KRT77: variants seen among roughly 807,000 people sequenced by gnomAD.
KRT77 encodes keratin, type II cytoskeletal 1b.
A neutral mutation model predicts 51.5 loss-of-function variants in KRT77; 44 were observed. That is an observed-to-expected ratio of 0.85 (90% CI 0.67 to 1.10). The LOEUF (loss-of-function observed/expected upper bound fraction) is 1.10. KRT77 is among the 50% of genes least tolerant of loss of function. The pLI, the probability that KRT77 is intolerant of heterozygous loss-of-function variation, is 0.00. For missense variants in KRT77, 763 were observed against 743.9 expected (o/e 1.03, Z -0.30); for synonymous variants, 293 against 302.0 (o/e 0.97, Z 0.31).
chr12:52,693,943 A>G (rs1423536668), intron 5 of KRT77, among the ~76,000 whole-genome samples: 1 of 152,098 alleles, frequency 6.6e-6, no homozygotes, highest in East Asian at 1.9e-4. Flanking sequence ...AGGCTGAGGC[A>G]GGAGAATCAC....
Position 52,691,120 on chromosome 12 carries a change from G to A in KRT77, c.*45C>T. 1 of 1,613,174 alleles carries A rather than the reference G, an allele frequency of 6.2e-7. No individual in the cohort carries two copies. The highest frequency in any genetic ancestry group is 1.1e-5 in the South Asian group (1 of 90,998). ...GGCGTGGAGGGGAGGAGTTTGAGGA[G>A]AGGGCGGTGAGGGGCAGGCGTGATG... is the stretch of plus-strand genomic sequence containing the variant. On this transcript the variant is annotated 3_prime_UTR_variant, in exon 9 of 9. Coordinates refer to ENST00000341809, the MANE Select transcript of KRT77 (RefSeq NM_175078.3).
In KRT77 at chr12:52,695,767, C is replaced by T; in HGVS notation, c.915+5G>A. 2 of 1,602,672 alleles carry T rather than the reference C, an allele frequency of 1.2e-6. No individual in the cohort carries two copies. The highest frequency in any genetic ancestry group is 1.1e-5 in the South Asian group (1 of 90,786). ...AAAGGAGGTTCTTATAAAGGCTTAA[C>T]TCACCGTCAAAAATAAATATTTCAA... On this transcript the variant is annotated splice_donor_5th_base_variant and intron_variant, in intron 4 of 8. Coordinates refer to ENST00000341809, the MANE Select transcript of KRT77 (RefSeq NM_175078.3).
chr12:52,703,198 G>T lies in KRT77; in HGVS notation c.237C>A (p.Thr79=). 1.2e-6 allele frequency: 2 copies of T among 1,605,964 alleles called. No individual in the cohort carries two copies. Among genetic ancestry groups the T allele is most frequent in the African/African-American group, 2.8e-5 (2 of 71,376 alleles). Residue 79 remains threonine, a synonymous_variant, in exon 1 of 9, where the codon ACC becomes ACA. Coordinates refer to ENST00000341809, the MANE Select transcript of KRT77 (RefSeq NM_175078.3). ...SISINLMGRS[T]SGFCQGGGVG... ...CTCCCCCACCCTGGCAGAAACCACT[G>T]GTGCTCCTCCCCATTAGATTAATGG...
chr12:52,692,464 C>G lies in KRT77; in HGVS notation c.1384G>C (p.Glu462Gln), dbSNP rs780169885. The G allele has an allele frequency of 1.2e-6, 2 of 1,613,842 alleles. No homozygotes were observed. The highest frequency in any genetic ancestry group is 3.3e-5 in the Admixed American group (2 of 59,986). The change falls in exon 7 of 9, where the codon GAG becomes CAG. Residue 462 changes from glutamate to glutamine, a missense_variant. Coordinates refer to ENST00000341809, the MANE Select transcript of KRT77 (RefSeq NM_175078.3). The stretch of plus-strand genomic sequence containing the variant: ...AGCAGCTGGCGGTAGGTGGCGATCT[C>G]CACATCCAGGGACAGCTTGACCCCC... ...MLGVKLSLDV[E>Q]IATYRQLLEG...
Position 52,692,405 on chromosome 12 carries a change from CA to C in KRT77, c.1427+15del, listed in dbSNP as rs1941724318. 1 of 1,613,392 alleles carries C rather than the reference CA, an allele frequency of 6.2e-7. No homozygotes were observed. Among genetic ancestry groups the C allele is most frequent in the Non-Finnish European group, 8.5e-7 (1 of 1,179,770 alleles). ...ATCTCAAGCCTTAGCCCCAGAAACA[CA>C]GCTGCCAGACCCACCTGCTCTCCTC... On this transcript the variant is annotated intron_variant, in intron 7 of 8. Transcript: ENST00000341809.
chr12:52,702,752 T>G, intron 1 of KRT77, 140 bp downstream of exon 1: 1 of 838,474 alleles, frequency 1.2e-6, no homozygotes, highest in Non-Finnish European at 1.9e-6. Flanking sequence ...GAAGACAAAT[T>G]GAAGCCCAAA....
rs1481512460 is a variant in KRT77 at position 52,691,204 on chromosome 12, C to A, written c.1698G>T (p.Gln566His). The A allele has an allele frequency of 2.5e-6, 4 of 1,614,020 alleles. No homozygotes were observed. The African/African-American group carries it at 5.3e-5, about 22-fold the overall frequency. Reference sequence around the variant, plus strand: ...GCCTGTGGGAGGTGTTGGTGGAGGTCTGGATGATCTGCACGCGCGAGGATC... The same window carrying A: ...GCCTGTGGGAGGTGTTGGTGGAGGTATGGATGATCTGCACGCGCGAGGATC... ...GRGSSRVQII[Q>H]TSTNTSHRRI... is the part of the protein sequence containing the mutation. The change falls in exon 9 of 9, where the codon CAG becomes CAT. Residue 566 changes from glutamine (Q) to histidine (H), a missense_variant. Transcript: ENST00000341809.
At chr12:52,701,456 A>C (rs912232590) in intron 1 of KRT77, among the ~76,000 whole-genome samples, 2 of 152,152 alleles carry the variant, frequency 1.3e-5, no homozygotes, top group African/African-American at 4.8e-5. Flanking sequence ...GCCACCCAGT[A>C]TGGCCTCTAG....
chr12:52,698,571 G>A (rs747498492), intron 1 of KRT77, among the ~76,000 whole-genome samples: 5 of 152,324 alleles, frequency 3.3e-5, no homozygotes, highest in South Asian at 2.1e-4. Flanking sequence ...GCTATTTCCC[G>A]GGAAATGGAG....
chr12:52,694,646 C>G lies in KRT77; in HGVS notation c.1060G>C (p.Glu354Gln), dbSNP rs145209085. ...LIAQRSKDEA[E>Q]ALYQTKYQEL... ...CCCACCTTGGTCTGGTACAGGGCTT[C>G]GGCCTCGTCCTTGCTCCTCTGTGCA... Residue 354 changes from glutamate to glutamine, a missense_variant, in exon 5 of 9, where the codon GAA becomes CAA. Transcript: ENST00000341809. 1 of 1,608,524 alleles carries G rather than the reference C, an allele frequency of 6.2e-7. No homozygotes were observed.
At chr12:52,702,336 G>C (rs978880778) in intron 1 of KRT77, among the ~76,000 whole-genome samples, 3 of 152,200 alleles carry the variant, frequency 2.0e-5, no homozygotes, top group Non-Finnish European at 4.4e-5. Context: ...TTGTGGGCTA[G>C]ATGGGTGGAT....
At chr12:52,702,751 T>C (rs971955709) in intron 1 of KRT77, 141 bp downstream of exon 1, 6 of 833,650 alleles carry the variant, frequency 7.2e-6, no homozygotes, top group Non-Finnish European at 7.6e-6. Flanking sequence ...AGAAGACAAA[T>C]TGAAGCCCAA....
chr12:52,692,470 C>T lies in KRT77; in HGVS notation c.1378G>A (p.Asp460Asn), dbSNP rs1941726286. ...TGGCGGTAGGTGGCGATCTCCACAT[C>T]CAGGGACAGCTTGACCCCCAGCATG... ...QAMLGVKLSL[D>N]VEIATYRQLL... The change falls in exon 7 of 9, where the codon GAT becomes AAT. Residue 460 changes from aspartate (D) to asparagine (N), a missense_variant. Asp to Asn is a conservative substitution (Grantham distance 23, BLOSUM62 1). Transcript: ENST00000341809. 6.2e-7 allele frequency: 1 copy of T among 1,614,096 alleles called. No homozygotes were observed. Among genetic ancestry groups the T allele is most frequent in the East Asian group, 2.2e-5 (1 of 44,850 alleles).
chr12:52,702,238 C>T (rs1941894450), intron 1 of KRT77, among the ~76,000 whole-genome samples: 1 of 152,210 alleles, frequency 6.6e-6, no homozygotes, highest in Admixed American at 6.5e-5. Flanking sequence ...CCCCTTTAGA[C>T]GTGGGCTCCT....
At chr12:52,695,591 T>TGG (rs1941783113) in intron 4 of KRT77, among the ~76,000 whole-genome samples, 181 bp downstream of exon 4, 1 of 152,110 alleles carries the variant, frequency 6.6e-6, no homozygotes, top group African/African-American at 2.4e-5. Context: ...TACCCCGACC[T>TGG]GGGGATTCTG....
At position 52,695,813 on chromosome 12, in the gene KRT77, G is replaced by A. The variant is rs139809869; in HGVS notation, c.874C>T (p.Leu292=). The change falls in exon 4 of 9, where the codon CTG becomes TTG. Residue 292 remains leucine (L), a synonymous_variant. Coordinates refer to ENST00000341809, the MANE Select transcript of KRT77 (RefSeq NM_175078.3). ...KVDLESRVDT[L]TGEVNFLKYL... ...TTCAAGAAATTGACCTCCCCAGTCA[G>A]AGTGTCCACCCTGGACTCCAGGTCC... is the stretch of plus-strand genomic sequence containing the variant. 6.2e-7 allele frequency: 1 copy of A among 1,613,972 alleles called. No homozygotes were observed. The highest frequency in any genetic ancestry group is 1.7e-5 in the Admixed American group (1 of 60,038).
chr12:52,692,655 A>C lies in KRT77; in HGVS notation c.1207-14T>G, dbSNP rs1368680734. On this transcript the variant is annotated splice_polypyrimidine_tract_variant and intron_variant, in intron 6 of 8. Coordinates refer to ENST00000341809, the MANE Select transcript of KRT77 (RefSeq NM_175078.3). The stretch of plus-strand genomic sequence containing the variant: ...CATCTGTTCAATCTGCTCCAGAGAC[A>C]GTTGGAGACCATTTAATGGTTAAGT... 6.4e-7 allele frequency: 1 copy of C among 1,571,016 alleles called. No homozygotes were observed.
rs757849133 is a variant in KRT77 at position 52,703,255 on chromosome 12, G to A, written c.180C>T (p.Ser60=). The change falls in exon 1 of 9, where the codon AGC becomes AGT. Residue 60 remains serine (S), a synonymous_variant. Transcript: ENST00000341809. ...TTCTACTGCCACCCAGATTGTAGAG[G>A]CTCCTAGAGCCAAACCCCCTTCCAT... is the stretch of plus-strand genomic sequence containing the variant. ...GIHGRGFGSR[S]LYNLGGSRSI... is the part of the protein sequence containing the mutation. 2 of 1,613,504 alleles carry A rather than the reference G, an allele frequency of 1.2e-6. No individual in the cohort carries two copies.
In KRT77 at chr12:52,703,234, A is replaced by G; in HGVS notation, c.201T>C (p.Ser67=). 6.2e-7 allele frequency: 1 copy of G among 1,612,324 alleles called. No individual in the cohort carries two copies. Among genetic ancestry groups the G allele is most frequent in the South Asian group, 1.1e-5 (1 of 90,978 alleles). Residue 67 remains serine, a synonymous_variant, in exon 1 of 9, where the codon AGT becomes AGC. Transcript: ENST00000341809. ...CCATTAGATTAATGGAGATGCTTCTACTGCCACCCAGATTGTAGAGGCTCC... is the reference window on the plus strand; with the variant it reads ...CCATTAGATTAATGGAGATGCTTCTGCTGCCACCCAGATTGTAGAGGCTCC... ...GSRSLYNLGG[S]RSISINLMGR...
Sources: allele counts gnomAD v4.1 joint callset (sites outside exome capture counted in the v4.1 genomes callset), GRCh38; gene constraint gnomAD v4.1.1; transcripts MANE v1.5; gene names NCBI Gene and HGNC (gene_info 2026-07-23, HGNC 2026-07-21).